Variants in ST3GAL4 observed in about 807,000 individuals in gnomAD.
ST3GAL4 encodes CMP-N-acetylneuraminate-beta-galactosamide-alpha-2,3-sialyltransferase 4.
Under a neutral mutation model 42.6 loss-of-function variants are expected in ST3GAL4, and 24 were observed. That is an observed-to-expected ratio of 0.56 (90% CI 0.41 to 0.79). The LOEUF (loss-of-function observed/expected upper bound fraction) is 0.79. Ranked by LOEUF, ST3GAL4 falls within the 30% of genes least tolerant of loss-of-function variation. The probability of loss-of-function intolerance (pLI) is 0.00; values close to 1 mark genes in which losing one functional copy is unlikely to be tolerated. For synonymous variants in ST3GAL4, 135 were observed against 163.2 expected, an observed-to-expected ratio of 0.83 and a Z score of 1.32; for missense variants, 311 against 430.8, an observed-to-expected ratio of 0.72 and a Z score of 2.46.
chr11:126,398,666 A>C lies in ST3GAL4; in HGVS notation c.-60-7430A>C, dbSNP rs1216149805. 1.3e-5 allele frequency among the ~76,000 whole-genome samples: 2 copies of C among 152,210 alleles called. No homozygotes were observed. The highest frequency in any genetic ancestry group is 2.9e-5 in the Non-Finnish European group (2 of 68,028). On this transcript the variant is annotated intron_variant, in intron 1 of 10. Transcript: ENST00000444328. The surrounding 1 kb of genome is among the most constrained non-coding windows in gnomAD (Gnocchi z 4.7). ...TCCCTGGTGGTGGCTCTGACCCTGCAACCAGTCTCTGCCTGGGTCCCGAGT... is the reference window on the plus strand; with the variant it reads ...TCCCTGGTGGTGGCTCTGACCCTGCCACCAGTCTCTGCCTGGGTCCCGAGT...
At chr11:126,388,713 G>A (rs1412663376) in intron 1 of ST3GAL4, among the ~76,000 whole-genome samples, 1 of 121,272 alleles carries the variant, frequency 8.2e-6, no homozygotes, top group Non-Finnish European at 1.6e-5. Flanking sequence ...TAGGCTCAGT[G>A]AATTTACTGA....
intron 4 of ST3GAL4, 82 bp downstream of exon 4, chr11:126,407,105 G>A: frequency 6.7e-7 from 1 of 1,502,238 alleles, no homozygotes; most frequent in Non-Finnish European, 9.3e-7. Flanking sequence ...GGAGTAGATG[G>A]AAAGAGCAGC....
chr11:126,385,181 G>A (rs1022787262), intron 1 of ST3GAL4, among the ~76,000 whole-genome samples: 4 of 151,496 alleles, frequency 2.6e-5, no homozygotes, highest in African/African-American at 4.9e-5. Flanking sequence ...TTTTGAGATG[G>A]AGTCTTGCTC....
Position 126,411,933 on chromosome 11 carries a change from C to T in ST3GAL4, c.772-1572C>T, listed in dbSNP as rs1016396140. Reference sequence around the variant, plus strand: ...TGTTCAACTGTGCCATATAAAGTAACGTCACGTAATCGCATCATATTCACG... The same window carrying T: ...TGTTCAACTGTGCCATATAAAGTAATGTCACGTAATCGCATCATATTCACG... On this transcript the variant is annotated intron_variant, in intron 9 of 10. Transcript: ENST00000444328. This position sits in a 1 kb window ranked among gnomAD's most constrained non-coding sequence, Gnocchi z 6.3. Among the ~76,000 whole-genome samples, 26 of 152,270 alleles carry T rather than the reference C, an allele frequency of 1.7e-4. No individual in the cohort carries two copies. The highest frequency in any genetic ancestry group is 1.3e-3 in the Admixed American group (20 of 15,300).
In ST3GAL4 at chr11:126,392,776, G is replaced by A. The variant is rs1365147468; in HGVS notation, c.-60-13320G>A. The stretch of plus-strand genomic sequence containing the variant: ...GTTTAACTGCCACAAAGTTAATAAA[G>A]CAGCATGATGTGACAGAGCTGGATG... On this transcript the variant is annotated intron_variant, in intron 1 of 10. Coordinates refer to ENST00000444328, the MANE Select transcript of ST3GAL4 (RefSeq NM_001254757.2). This position sits in a 1 kb window ranked among gnomAD's most constrained non-coding sequence, Gnocchi z 5.8. 6.6e-6 allele frequency among the ~76,000 whole-genome samples: 1 copy of A among 152,150 alleles called. No individual in the cohort carries two copies. Among genetic ancestry groups the A allele is most frequent in the African/African-American group, 2.4e-5 (1 of 41,422 alleles).
intron 1 of ST3GAL4, among the ~76,000 whole-genome samples, chr11:126,369,220 G>GAT (rs1952544671): frequency 6.6e-6 from 1 of 152,012 alleles, no homozygotes. Context: ...CTCCCTTCAA[G>GAT]ATAGTGCCTT....
Position 126,413,588 on chromosome 11 carries a change from C to T in ST3GAL4, c.855C>T (p.Asp285=), listed in dbSNP as rs142021570. 1.8e-4 allele frequency: 292 copies of T among 1,614,254 alleles called. 1 individual carries two copies. Among genetic ancestry groups the T allele is most frequent in the Non-Finnish European group, 1.6e-4 (184 of 1,180,054 alleles). Reference sequence around the variant, plus strand: ...ACATTGCCGGCTTTGGCTACCCAGACGCCTACAACAAGAAGCAGACCATTC... The same window carrying T: ...ACATTGCCGGCTTTGGCTACCCAGATGCCTACAACAAGAAGCAGACCATTC... ...LVHIAGFGYP[D]AYNKKQTIHY... is the part of the protein sequence containing the mutation. The change falls in exon 10 of 11, where the codon GAC becomes GAT. Residue 285 remains aspartate, a synonymous_variant. Transcript: ENST00000444328.
intron 1 of ST3GAL4, among the ~76,000 whole-genome samples, chr11:126,357,386 A>G (rs1389915441): frequency 6.6e-6 from 1 of 152,142 alleles, no homozygotes. Context: ...TAGAAGAGTG[A>G]ATTGGAAATT....
chr11:126,399,006 C>T (rs1953891955), intron 1 of ST3GAL4, among the ~76,000 whole-genome samples: 1 of 152,194 alleles, frequency 6.6e-6, no homozygotes, highest in Non-Finnish European at 1.5e-5. Flanking sequence ...GCTGTGATCA[C>T]AGGTCATCTC....
At position 126,400,453 on chromosome 11, in the gene ST3GAL4, G is replaced by T. The variant is rs978901449; in HGVS notation, c.-60-5643G>T. 3.3e-5 allele frequency among the ~76,000 whole-genome samples: 5 copies of T among 152,188 alleles called. No homozygotes were observed. The highest frequency in any genetic ancestry group is 7.3e-5 in the Non-Finnish European group (5 of 68,038). ...CTTCGGGCAACACATTCAAACCATA[G>T]CAGGCACCTTAATAAAGGTGGAAAA... On this transcript the variant is annotated intron_variant, in intron 1 of 10. Transcript: ENST00000444328. The surrounding 1 kb of genome is among the most constrained non-coding windows in gnomAD (Gnocchi z 4.6).
At position 126,392,336 on chromosome 11, in the gene ST3GAL4, T is replaced by C. The variant is rs1953551017; in HGVS notation, c.-60-13760T>C. On this transcript the variant is annotated intron_variant, in intron 1 of 10. Transcript: ENST00000444328. This position sits in a 1 kb window ranked among gnomAD's most constrained non-coding sequence, Gnocchi z 5.8. Reference sequence around the variant, plus strand: ...CTGTCGGACATCAGTTCTGATATGGTGCAGCAGACATGGAGCTGGTAAGTG... The same window carrying C: ...CTGTCGGACATCAGTTCTGATATGGCGCAGCAGACATGGAGCTGGTAAGTG... 1.0e-6 allele frequency: 1 copy of C among 985,920 alleles called. No homozygotes were observed. The highest frequency in any genetic ancestry group is 1.2e-6 in the Non-Finnish European group (1 of 829,948). 61.1% of individuals were successfully genotyped at this position (985,920 alleles called of 1,614,324 possible).
intron 6 of ST3GAL4, 82 bp from the exon 7 acceptor site, chr11:126,408,017 T>G: frequency 4.7e-6 from 7 of 1,485,126 alleles, no homozygotes; most frequent in African/African-American, 1.4e-5. Flanking sequence ...GAAGTGGTCC[T>G]GAGATGGGCC....
At chr11:126,388,275 C>T (rs763113940) in intron 1 of ST3GAL4, among the ~76,000 whole-genome samples, 10 of 152,148 alleles carry the variant, frequency 6.6e-5, no homozygotes, top group Non-Finnish European at 1.2e-4. Flanking sequence ...ATTTGCCATT[C>T]ATTTCTTTAC....
In ST3GAL4 at chr11:126,383,442, A is replaced by T. The variant is rs1192619075; in HGVS notation, c.-60-22654A>T. ...AGGGAGGTAGAGCAGCAGCAGCAGC[A>T]GCTGAGCCCAGCCCCCGGCCAGCCC... On this transcript the variant is annotated intron_variant, in intron 1 of 10. Coordinates refer to ENST00000444328, the MANE Select transcript of ST3GAL4 (RefSeq NM_001254757.2). This position sits in a 1 kb window ranked among gnomAD's most constrained non-coding sequence, Gnocchi z 4.5. 6.6e-6 allele frequency among the ~76,000 whole-genome samples: 1 copy of T among 152,174 alleles called. No individual in the cohort carries two copies. Among genetic ancestry groups the T allele is most frequent in the Non-Finnish European group, 1.5e-5 (1 of 68,024 alleles).
chr11:126,370,677 C>CT lies in ST3GAL4; in HGVS notation c.-61+14848dup, dbSNP rs763709200. 2.2e-3 allele frequency among the ~76,000 whole-genome samples: 318 copies of CT among 144,062 alleles called. 1 individual carries two copies. Among genetic ancestry groups the CT allele is most frequent in the Non-Finnish European group, 2.9e-3 (193 of 65,520 alleles). 94.5% of individuals were successfully genotyped at this position (144,062 alleles called of 152,430 possible). A position where few individuals can be genotyped will look rare whatever the true frequency, so the allele number is the denominator to read the frequency against. The stretch of plus-strand genomic sequence containing the variant: ...ATTTATATTTCTTCAATCTCCATTC[C>CT]TTTTTTTTTTTTTCCTTGAAATGGA... On this transcript the variant is annotated intron_variant, in intron 1 of 10. Transcript: ENST00000444328.
chr11:126,414,144 T>G lies in ST3GAL4; in HGVS notation c.*97T>G, dbSNP rs1954644460. ...GTGGCTGGTGCCAGTATGACCCACT[T>G]GGACTCACCCCCTCTTGGGGAGGGA... On this transcript the variant is annotated 3_prime_UTR_variant, in exon 11 of 11. Transcript: ENST00000444328. 8.5e-7 allele frequency: 1 copy of G among 1,178,142 alleles called. No individual in the cohort carries two copies. Among genetic ancestry groups the G allele is most frequent in the African/African-American group, 1.5e-5 (1 of 66,656 alleles). The allele number at this position is 1,178,142 out of a possible 1,614,324, so 73.0% of individuals were successfully genotyped here. A position where few individuals can be genotyped will look rare whatever the true frequency, so the allele number is the denominator to read the frequency against.
intron 1 of ST3GAL4, among the ~76,000 whole-genome samples, chr11:126,369,035 G>T (rs1436336754): frequency 6.6e-6 from 1 of 152,126 alleles, no homozygotes; most frequent in African/African-American, 2.4e-5. Context: ...ATTGCCCAGG[G>T]TGCATACTGT....
chr11:126,409,721 T>C lies in ST3GAL4; in HGVS notation c.771+310T>C, dbSNP rs6590204. ...ACTGGGGAGCTGCTGGAACAGTCAG[T>C]GGTCTGATCTGTGGAACAACTTGAG... On this transcript the variant is annotated intron_variant, in intron 9 of 10. Transcript: ENST00000444328. The surrounding 1 kb of genome is among the most constrained non-coding windows in gnomAD (Gnocchi z 4.9). Among the ~76,000 whole-genome samples, 7,424 of 152,150 alleles carry C rather than the reference T, an allele frequency of 0.049. 608 individuals carry two copies. Among genetic ancestry groups the C allele is most frequent in the African/African-American group, 0.17 (6,953 of 41,472 alleles).
intron 1 of ST3GAL4, among the ~76,000 whole-genome samples, chr11:126,395,102 G>A (rs1953689365): frequency 6.6e-6 from 1 of 152,186 alleles, no homozygotes; most frequent in Non-Finnish European, 1.5e-5. Flanking sequence ...CGTCCAGCCA[G>A]GGGCTGTGCC....
Sources: allele counts gnomAD v4.1 joint callset (sites outside exome capture counted in the v4.1 genomes callset), GRCh38; gene constraint gnomAD v4.1.1; non-coding constraint Gnocchi (gnomAD v3.1); transcripts MANE v1.5; gene names NCBI Gene and HGNC (gene_info 2026-07-23, HGNC 2026-07-21).